The following GAB2 variants were observed in gnomAD, a reference collection of about 807,000 sequenced individuals.
The protein encoded by GAB2 is GRB2-associated-binding protein 2.
A neutral mutation model predicts 65.5 loss-of-function variants in GAB2; 26 were observed. The ratio of observed to expected loss-of-function variants is 0.40; its 90% CI spans 0.29 to 0.55. The LOEUF (loss-of-function observed/expected upper bound fraction) is 0.55. Ranked by LOEUF, GAB2 falls within the 20% of genes least tolerant of loss-of-function variation. The probability of loss-of-function intolerance (pLI) is 0.53; values close to 1 mark genes in which losing one functional copy is unlikely to be tolerated. For synonymous variants in GAB2, 321 were observed against 329.6 expected (o/e 0.97, Z 0.28); for missense variants, 884 against 875.8 (o/e 1.01, Z -0.12).
chr11:78,344,264 TC>T (rs1856146301), intron 1 of GAB2, among the ~76,000 whole-genome samples: 1 of 152,198 alleles, frequency 6.6e-6, no homozygotes, highest in Non-Finnish European at 1.5e-5. Flanking sequence ...AAGATGAAAG[TC>T]ATTTTCCTAT....
intron 1 of GAB2, among the ~76,000 whole-genome samples, chr11:78,368,500 CAAATT>C (rs746018078): frequency 5.0e-4 from 76 of 152,164 alleles, no homozygotes; most frequent in Non-Finnish European, 1.0e-3. Context: ...AAGCAAGCTA[CAAATT>C]AAATATATAA....
At chr11:78,308,577 C>G (rs932089144) in intron 1 of GAB2, among the ~76,000 whole-genome samples, 2 of 152,166 alleles carry the variant, frequency 1.3e-5, no homozygotes, top group Non-Finnish European at 2.9e-5. Context: ...GCTATATACA[C>G]AACATGAGTA....
chr11:78,280,364 C>T, intron 2 of GAB2: 1 of 542,424 alleles, frequency 1.8e-6, no homozygotes, highest in Non-Finnish European at 3.3e-6. Flanking sequence ...CCTAAGGAAA[C>T]ACCACAAATA....
At chr11:78,261,905 C>G (rs1233345316) in intron 2 of GAB2, among the ~76,000 whole-genome samples, 1 of 152,106 alleles carries the variant, frequency 6.6e-6, no homozygotes, top group African/African-American at 2.4e-5. Flanking sequence ...TGCATTTGAC[C>G]CTTGTAACCT....
chr11:78,240,350 G>T (rs935588736), intron 3 of GAB2, among the ~76,000 whole-genome samples: 1 of 151,878 alleles, frequency 6.6e-6, no homozygotes, highest in Non-Finnish European at 1.5e-5. Context: ...TGAGCTGAGA[G>T]GGGGTGCATT....
rs761948853 is a variant in GAB2 at position 78,220,294 on chromosome 11, G to GCCC, written c.1887+22_1887+24dup. The GCCC allele has an allele frequency of 1.9e-6, 3 of 1,610,228 alleles. No homozygotes were observed. The African/African-American group carries it at 4.0e-5, about 22-fold the overall frequency. ...CTCCGGGACCCTGAGAGCTCTTACT[G>GCCC]CCCCCCCAACTCTACTCCAGGCACC... is the stretch of plus-strand genomic sequence containing the variant. On this transcript the variant is annotated intron_variant, in intron 9 of 9. Transcript: ENST00000361507.
chr11:78,305,408 G>C (rs749482704), intron 1 of GAB2, among the ~76,000 whole-genome samples: 1 of 151,924 alleles, frequency 6.6e-6, no homozygotes, highest in Non-Finnish European at 1.5e-5. Context: ...ATGGAGATCA[G>C]GGCTTTAGAC....
chr11:78,275,614 A>G (rs1354448188), intron 2 of GAB2, among the ~76,000 whole-genome samples: 2 of 152,214 alleles, frequency 1.3e-5, no homozygotes, highest in Non-Finnish European at 1.5e-5. Flanking sequence ...CAACAGAAGG[A>G]TCTCACAAAT....
intron 3 of GAB2, among the ~76,000 whole-genome samples, chr11:78,243,683 A>G (rs1038510718): frequency 6.7e-6 from 1 of 148,226 alleles, no homozygotes; most frequent in Non-Finnish European, 1.5e-5. Context: ...TACTAAAAAT[A>G]CAAAAAAAAA....
chr11:78,370,244 G>C (rs1180521901), intron 1 of GAB2, among the ~76,000 whole-genome samples: 2 of 121,026 alleles, frequency 1.7e-5, no homozygotes, highest in South Asian at 5.8e-4. Flanking sequence ...GCGACAGAGC[G>C]AGACTCCGTC....
intron 1 of GAB2, among the ~76,000 whole-genome samples, chr11:78,384,665 C>T (rs1856743161): frequency 6.6e-6 from 1 of 152,148 alleles, no homozygotes; most frequent in Admixed American, 6.5e-5. Context: ...TTGAGAGGAA[C>T]AACAGTGGCC....
At chr11:78,260,612 C>T (rs1298464716) in intron 2 of GAB2, among the ~76,000 whole-genome samples, 1 of 152,088 alleles carries the variant, frequency 6.6e-6, no homozygotes. Flanking sequence ...GCTGGGATTA[C>T]AGGCACCCAC....
chr11:78,255,322 T>A (rs1309612695), intron 2 of GAB2, among the ~76,000 whole-genome samples: 1 of 152,154 alleles, frequency 6.6e-6, no homozygotes, highest in Non-Finnish European at 1.5e-5. Context: ...TCTAGAACTG[T>A]GAGAGAGTAA....
At chr11:78,392,414 G>C (rs1363119483) in intron 1 of GAB2, 2 of 152,196 alleles carry the variant, frequency 1.3e-5, no homozygotes, top group Non-Finnish European at 2.9e-5. Flanking sequence ...GGAACAATCA[G>C]TGCAGTCGAA....
intron 3 of GAB2, among the ~76,000 whole-genome samples, chr11:78,227,831 A>G (rs1864727830): frequency 6.6e-6 from 1 of 152,030 alleles, no homozygotes; most frequent in Admixed American, 6.6e-5. Flanking sequence ...CAAACAAACA[A>G]CAAACTATTC....
intron 1 of GAB2, among the ~76,000 whole-genome samples, chr11:78,354,210 T>C (rs1439140897): frequency 1.3e-5 from 2 of 152,194 alleles, no homozygotes; most frequent in Non-Finnish European, 2.9e-5. Flanking sequence ...GAGACCATGA[T>C]TACCTCCTCA....
At chr11:78,356,761 T>G (rs1253866278) in intron 1 of GAB2, among the ~76,000 whole-genome samples, 1 of 152,232 alleles carries the variant, frequency 6.6e-6, no homozygotes, top group Non-Finnish European at 1.5e-5. Context: ...GAATATTCAC[T>G]GACAAAGAGT....
intron 3 of GAB2, among the ~76,000 whole-genome samples, chr11:78,240,183 C>T (rs563125477): frequency 2.0e-5 from 3 of 152,204 alleles, no homozygotes; most frequent in African/African-American, 7.2e-5. Context: ...TCCTAGGAAA[C>T]GGTGCACTGA....
chr11:78,308,221 T>A (rs1437390069), intron 1 of GAB2, among the ~76,000 whole-genome samples: 1 of 152,072 alleles, frequency 6.6e-6, no homozygotes, highest in Non-Finnish European at 1.5e-5. Context: ...GAGTCAAAAA[T>A]ACACTAGGTT....
Sources: gnomAD v4.1 joint callset for allele counts (sites outside exome capture counted in the v4.1 genomes callset) on GRCh38, gnomAD v4.1.1 for gene constraint, MANE v1.5 for transcripts, NCBI Gene and HGNC (gene_info 2026-07-23, HGNC 2026-07-21) for gene names.